OXSR1: variants seen among roughly 807,000 people sequenced by gnomAD.
OXSR1 encodes serine/threonine-protein kinase OSR1.
In OXSR1, 24 loss-of-function variants were observed where a neutral mutation model predicts 79.8. The ratio of observed to expected loss-of-function variants is 0.30; its 90% confidence interval spans 0.22 to 0.42. The LOEUF (loss-of-function observed/expected upper bound fraction) is 0.42. OXSR1 is among the 10% of genes least tolerant of loss of function. The pLI, the probability that OXSR1 is intolerant of heterozygous loss-of-function variation, is 1.00. For missense variants in OXSR1, 430 were observed against 618.4 expected (o/e 0.70, Z 3.23); for synonymous variants, 226 against 209.2 (o/e 1.08, Z -0.69).
chr3:38,251,607 G>A (rs1471346878), intron 16 of OXSR1, 136 bp downstream of exon 16: 3 of 705,072 alleles, frequency 4.3e-6, no homozygotes, highest in East Asian at 2.5e-5. Flanking sequence ...GAAATTATAG[G>A]TAATGGGACA....
chr3:38,213,449 C>T (rs1702425876), intron 4 of OXSR1, among the ~76,000 whole-genome samples: 1 of 152,052 alleles, frequency 6.6e-6, no homozygotes. Flanking sequence ...CCAAAAGGAG[C>T]CTAAGGAGAC....
At chr3:38,188,353 C>T (rs1701921860) in intron 2 of OXSR1, among the ~76,000 whole-genome samples, 1 of 152,168 alleles carries the variant, frequency 6.6e-6, no homozygotes, top group South Asian at 2.1e-4. Context: ...CTGTCACTAA[C>T]TTTTTTAACC....
At chr3:38,191,764 T>C (rs1367951153) in intron 3 of OXSR1, among the ~76,000 whole-genome samples, 1 of 118,354 alleles carries the variant, frequency 8.4e-6, no homozygotes, top group African/African-American at 3.3e-5. Flanking sequence ...AATCTTACTT[T>C]GTAAGTATCC....
chr3:38,224,136 T>G (rs1261576280), intron 7 of OXSR1, among the ~76,000 whole-genome samples: 1 of 152,256 alleles, frequency 6.6e-6, no homozygotes, highest in Non-Finnish European at 1.5e-5. Context: ...ATTTTAAAAC[T>G]GGAACTCTAT....
intron 4 of OXSR1, among the ~76,000 whole-genome samples, chr3:38,205,046 TG>T (rs1359470762): frequency 6.6e-6 from 1 of 152,186 alleles, no homozygotes; most frequent in Non-Finnish European, 1.5e-5. Context: ...GCTTCCTCCA[TG>T]GGTGCTGGCT....
chr3:38,249,140 T>C (rs928575644), intron 14 of OXSR1, among the ~76,000 whole-genome samples: 1 of 152,210 alleles, frequency 6.6e-6, no homozygotes, highest in Non-Finnish European at 1.5e-5. Flanking sequence ...TCCTCAAGTA[T>C]ATTATTCATC....
intron 5 of OXSR1, among the ~76,000 whole-genome samples, chr3:38,220,545 T>C (rs1201558122): frequency 2.6e-5 from 4 of 152,310 alleles, no homozygotes; most frequent in Non-Finnish European, 2.9e-5. Flanking sequence ...AAAGTTCTTT[T>C]GGTTGTATTG....
At chr3:38,216,764 C>G (rs963901206) in intron 5 of OXSR1, among the ~76,000 whole-genome samples, 1 of 152,080 alleles carries the variant, frequency 6.6e-6, no homozygotes, top group Non-Finnish European at 1.5e-5. Flanking sequence ...CTAGAACAGT[C>G]AGGTGTTTGG....
At chr3:38,233,083 A>C (rs1702844629) in intron 10 of OXSR1, among the ~76,000 whole-genome samples, 1 of 152,152 alleles carries the variant, frequency 6.6e-6, no homozygotes, top group Admixed American at 6.5e-5. Context: ...CCCCCACTCC[A>C]TGCTGCACTC....
At position 38,181,363 on chromosome 3, in the gene OXSR1, T is replaced by G. The variant is rs1418135737; in HGVS notation, c.71-1640T>G. On this transcript the variant is annotated intron_variant, in intron 1 of 17. Transcript: ENST00000311806. Reference sequence around the variant, plus strand: ...TTTATTTGTTTCAAAAGTTTTTTTTTTTTTTTTTTTGAGACAGAGTCTCAC... The same window carrying G: ...TTTATTTGTTTCAAAAGTTTTTTTTGTTTTTTTTTTGAGACAGAGTCTCAC... Among the ~76,000 whole-genome samples the G allele has an allele frequency of 2.0e-5, 3 of 149,338 alleles. No individual in the cohort carries two copies. The East Asian group carries it at 5.8e-4, about 29-fold the overall frequency.
rs374177394 is a variant in OXSR1 at position 38,236,821 on chromosome 3, T to C, written c.952-18T>C. The C allele has an allele frequency of 6.2e-5, 99 of 1,584,738 alleles. No homozygotes were observed. Among genetic ancestry groups the C allele is most frequent in the Non-Finnish European group, 1.0e-5 (12 of 1,165,540 alleles). On this transcript the variant is annotated intron_variant, in intron 10 of 17. Coordinates refer to ENST00000311806, the MANE Select transcript of OXSR1 (RefSeq NM_005109.3). Reference sequence around the variant, plus strand: ...GCATGAAATACCACCATAACCCACTTCTCTTTCTAATGAGCAGGTTCGGAG... The same window carrying C: ...GCATGAAATACCACCATAACCCACTCCTCTTTCTAATGAGCAGGTTCGGAG...
intron 12 of OXSR1, among the ~76,000 whole-genome samples, chr3:38,243,803 A>G (rs1463098831): frequency 6.6e-6 from 1 of 152,260 alleles, no homozygotes; most frequent in Non-Finnish European, 1.5e-5. Flanking sequence ...GTTAACTTGT[A>G]TTAGAACTGT....
intron 8 of OXSR1, 123 bp downstream of exon 8, chr3:38,224,827 A>G (rs964028937): frequency 1.3e-5 from 9 of 673,682 alleles, no homozygotes; most frequent in East Asian, 9.1e-5. Flanking sequence ...TTAAAAAAGT[A>G]TACAGAGACC....
At chr3:38,232,136 A>T (rs1044751513) in intron 10 of OXSR1, among the ~76,000 whole-genome samples, 2 of 152,026 alleles carry the variant, frequency 1.3e-5, no homozygotes, top group African/African-American at 4.8e-5. Context: ...CGAGCCTCAG[A>T]CCGGGGATAT....
chr3:38,230,878 C>A (rs1702791501), intron 10 of OXSR1, among the ~76,000 whole-genome samples: 1 of 152,180 alleles, frequency 6.6e-6, no homozygotes, highest in South Asian at 2.1e-4. Flanking sequence ...TTTAATATCT[C>A]AGTTTGGGCA....
At chr3:38,169,508 A>G (rs1701534363) in intron 1 of OXSR1, among the ~76,000 whole-genome samples, 1 of 151,620 alleles carries the variant, frequency 6.6e-6, no homozygotes, top group Middle Eastern at 3.2e-3. Context: ...GTTTCACCAT[A>G]TTGGGCAGGC....
intron 6 of OXSR1, among the ~76,000 whole-genome samples, chr3:38,222,231 T>A (rs1028118637): frequency 6.6e-6 from 1 of 152,210 alleles, no homozygotes. Context: ...TAGTCACATA[T>A]ACTCACAGCC....
At chr3:38,187,995 G>A (rs1701914431) in intron 2 of OXSR1, among the ~76,000 whole-genome samples, 1 of 152,086 alleles carries the variant, frequency 6.6e-6, no homozygotes, top group Admixed American at 6.6e-5. Context: ...CTTTTTGAAA[G>A]GAGGAAAGGA....
intron 10 of OXSR1, among the ~76,000 whole-genome samples, chr3:38,235,905 C>T (rs1036019545): frequency 1.3e-5 from 2 of 152,146 alleles, no homozygotes; most frequent in Admixed American, 6.5e-5. Flanking sequence ...TGATCCAGGA[C>T]GCACAATCCT....
Sources: gnomAD v4.1 joint callset for allele counts (sites outside exome capture counted in the v4.1 genomes callset) on GRCh38, gnomAD v4.1.1 for gene constraint, MANE v1.5 for transcripts, NCBI Gene and HGNC (gene_info 2026-07-23, HGNC 2026-07-21) for gene names.